SYNE2: variants seen among roughly 807,000 people sequenced by gnomAD.
SYNE2 encodes spectrin repeat containing nuclear envelope protein 2, also known as nesprin-2.
Under a neutral mutation model 856.3 loss-of-function variants are expected in SYNE2, and 431 were observed. The ratio of observed to expected loss-of-function variants is 0.50; its 90% CI spans 0.47 to 0.55. The LOEUF (loss-of-function observed/expected upper bound fraction) is 0.55, where lower values mean the gene tolerates loss of function less well. SYNE2 is among the 20% of genes least tolerant of loss of function. The pLI, the probability that SYNE2 is intolerant of heterozygous loss-of-function variation, is 0.00. For missense variants in SYNE2, 8,129 were observed against 8,023.2 expected (o/e 1.01, Z -0.50); for synonymous variants, 2,923 against 2,872.3 (o/e 1.02, Z -0.56).
chr14:63,993,498 C>T (rs1566994319), intron 21 of SYNE2, among the ~76,000 whole-genome samples: 1 of 152,208 alleles, frequency 6.6e-6, no homozygotes, highest in Non-Finnish European at 1.5e-5. Context: ...TAGCCAGGGG[C>T]TCATTAACCC....
At chr14:63,896,622 C>G (rs2153300587) in intron 1 of SYNE2, among the ~76,000 whole-genome samples, 1 of 152,314 alleles carries the variant, frequency 6.6e-6, no homozygotes, top group Non-Finnish European at 1.5e-5. Flanking sequence ...GATGAAGAAA[C>G]AGGACCTTGG....
intron 50 of SYNE2, 85 bp downstream of exon 50, chr14:64,062,980 G>A (rs2097329345): frequency 1.4e-6 from 2 of 1,480,868 alleles, no homozygotes; most frequent in East Asian, 2.3e-5. Context: ...ATGTGGTCCT[G>A]TTAAGACGCG....
At chr14:64,202,143 G>GT in intron 99 of SYNE2, 1 of 701,336 alleles carries the variant, frequency 1.4e-6, no homozygotes, top group East Asian at 2.7e-5. Context: ...ATCACATTTA[G>GT]AACTGCGCTT....
intron 1 of SYNE2, among the ~76,000 whole-genome samples, chr14:63,896,070 TAA>T (rs1408826573): frequency 1.3e-5 from 2 of 152,160 alleles, no homozygotes; most frequent in African/African-American, 4.8e-5. Context: ...TTATTTTCTA[TAA>T]AGTCATTTGT....
rs202201566 is a variant in SYNE2 at position 64,141,548 on chromosome 14, T to A, written c.15159+25T>A. ...GGTAAGTCTTTAGAGCCTCAGCATT[T>A]GAATTAGCATTCACTTGTTAGCTCA... On this transcript the variant is annotated intron_variant, in intron 81 of 115. Coordinates refer to ENST00000555002, the MANE Select transcript of SYNE2 (RefSeq NM_182914.3). 88 of 1,607,416 alleles carry A rather than the reference T, an allele frequency of 5.5e-5. 1 individual carries two copies. The East Asian group carries it at 1.9e-3, about 35-fold the overall frequency.
At chr14:63,866,902 A>G (rs183720199) in intron 1 of SYNE2, among the ~76,000 whole-genome samples, 1 of 152,270 alleles carries the variant, frequency 6.6e-6, no homozygotes, top group African/African-American at 2.4e-5. Context: ...AGCCCAGAAG[A>G]TGGAGATTGT....
intron 94 of SYNE2, among the ~76,000 whole-genome samples, chr14:64,171,221 C>T (rs568376990): frequency 1.3e-5 from 2 of 152,308 alleles, no homozygotes; most frequent in Admixed American, 6.5e-5. Flanking sequence ...AGCTACTCTC[C>T]ACCTTAGAGA....
intron 1 of SYNE2, among the ~76,000 whole-genome samples, chr14:63,898,914 G>T (rs551417365): frequency 5.9e-5 from 9 of 152,202 alleles, no homozygotes; most frequent in African/African-American, 2.2e-4. Flanking sequence ...GGTATTAATT[G>T]CTGCTGGTGG....
intron 8 of SYNE2, among the ~76,000 whole-genome samples, chr14:63,960,440 T>G (rs1032942730): frequency 5.9e-5 from 9 of 152,296 alleles, no homozygotes; most frequent in Admixed American, 3.3e-4. Flanking sequence ...TTTTAAGGCA[T>G]CTAGCATCTA....
intron 90 of SYNE2, chr14:64,166,996 T>C (rs1258048654): frequency 3.5e-6 from 2 of 564,184 alleles, no homozygotes; most frequent in South Asian, 4.1e-5. Context: ...GAGATAACTT[T>C]CTATTTCCTG....
intron 60 of SYNE2, among the ~76,000 whole-genome samples, chr14:64,092,243 G>A (rs190501749): frequency 1.4e-4 from 21 of 152,290 alleles, no homozygotes; most frequent in African/African-American, 3.8e-4. Context: ...AATAGAAGAG[G>A]CAGTTCTGTT....
chr14:63,909,295 G>A (rs965672290), intron 2 of SYNE2, 68 bp downstream of exon 2: 1 of 1,061,808 alleles, frequency 9.4e-7, no homozygotes. Context: ...CTAGTTGCAA[G>A]TCACACTGAT....
At chr14:64,124,355 CT>C (rs1291239291) in intron 70 of SYNE2, among the ~76,000 whole-genome samples, 4 of 150,952 alleles carry the variant, frequency 2.6e-5, no homozygotes, top group African/African-American at 9.8e-5. Flanking sequence ...CCATGACCAG[CT>C]ACTTTAAAAA....
intron 1 of SYNE2, among the ~76,000 whole-genome samples, chr14:63,856,254 G>A (rs1402351377): frequency 6.6e-6 from 1 of 152,190 alleles, no homozygotes; most frequent in Non-Finnish European, 1.5e-5. Context: ...TAGCCTATTA[G>A]CCCTTTTTAT....
intron 1 of SYNE2, among the ~76,000 whole-genome samples, chr14:63,772,693 A>T (rs1406663669): frequency 5.4e-5 from 8 of 147,180 alleles, no homozygotes; most frequent in South Asian, 2.2e-4. Context: ...CAGGGAGCCG[A>T]GACCATTCCA....
At chr14:63,789,458 C>T (rs893868483) in intron 1 of SYNE2, among the ~76,000 whole-genome samples, 1 of 152,086 alleles carries the variant, frequency 6.6e-6, no homozygotes, top group Non-Finnish European at 1.5e-5. Context: ...TGAAAATATT[C>T]CCATTTCCCA....
At chr14:64,163,148 T>C (rs1031090136) in intron 88 of SYNE2, among the ~76,000 whole-genome samples, 1 of 152,228 alleles carries the variant, frequency 6.6e-6, no homozygotes, top group African/African-American at 2.4e-5. Flanking sequence ...CCAGTTTCTA[T>C]ACACTAGAAG....
In SYNE2 at chr14:64,225,978, T is replaced by C; in HGVS notation, c.*452T>C. 1 of 286,384 alleles carries C rather than the reference T, an allele frequency of 3.5e-6. No individual in the cohort carries two copies. The highest frequency in any genetic ancestry group is 6.2e-5 in the South Asian group (1 of 16,090). The allele number at this position is 286,384 out of a possible 1,614,324, so 17.7% of individuals were successfully genotyped here. ...CTTAGCTGATGGAAACAATCAATCA[T>C]ATTTAATACGCTTAGAATCAGTTTT... On this transcript the variant is annotated 3_prime_UTR_variant, in exon 116 of 116. Transcript: ENST00000555002.
At chr14:64,088,166 G>C (rs766937051) in intron 58 of SYNE2, among the ~76,000 whole-genome samples, 1 of 152,212 alleles carries the variant, frequency 6.6e-6, no homozygotes, top group Non-Finnish European at 1.5e-5. Context: ...CTGGGTGACA[G>C]AGCAGGATTC....
Sources: gnomAD v4.1 joint callset for allele counts (sites outside exome capture counted in the v4.1 genomes callset) on GRCh38, gnomAD v4.1.1 for gene constraint, MANE v1.5 for transcripts, NCBI Gene and HGNC (gene_info 2026-07-23, HGNC 2026-07-21) for gene names.